Variants in NDUFS4 observed in about 807,000 individuals in gnomAD.
NDUFS4 encodes the protein NADH dehydrogenase [ubiquinone] iron-sulfur protein 4, mitochondrial.
In NDUFS4, 28 loss-of-function variants were observed where a neutral mutation model predicts 24.3. That is an observed-to-expected ratio of 1.15 (90% CI 0.85 to 1.58). The LOEUF (loss-of-function observed/expected upper bound fraction) is 1.58, where lower values mean the gene tolerates loss of function less well. Among genes scored for constraint, NDUFS4 ranks in the 40% most tolerant of loss-of-function variants. NDUFS4 has a pLI of 0.00. For missense variants in NDUFS4, 223 were observed against 207.9 expected, an observed-to-expected ratio of 1.07 and a Z score of -0.45; for synonymous variants, 93 against 69.7, an observed-to-expected ratio of 1.34 and a Z score of -1.67.
chr5:53,571,515 T>C (rs191583739), intron 1 of NDUFS4, among the ~76,000 whole-genome samples: 4 of 152,350 alleles, frequency 2.6e-5, no homozygotes, highest in African/African-American at 9.6e-5. Flanking sequence ...TATGTCAACA[T>C]ATGTTTTTAT....
chr5:53,565,055 A>G (rs1222688353), intron 1 of NDUFS4, among the ~76,000 whole-genome samples: 2 of 152,190 alleles, frequency 1.3e-5, no homozygotes, highest in Non-Finnish European at 2.9e-5. Context: ...TTATCCAGTG[A>G]AATGTTAGTG....
chr5:53,678,296 T>G (rs1316030613), intron 4 of NDUFS4, among the ~76,000 whole-genome samples: 1 of 152,184 alleles, frequency 6.6e-6, no homozygotes, highest in Non-Finnish European at 1.5e-5. Flanking sequence ...GGCTTAAAGT[T>G]CAGACTATTT....
At chr5:53,678,560 A>T (rs1740551422) in intron 4 of NDUFS4, among the ~76,000 whole-genome samples, 1 of 152,170 alleles carries the variant, frequency 6.6e-6, no homozygotes, top group Admixed American at 6.6e-5. Context: ...TGGGACCATT[A>T]TGATTGTAGA....
chr5:53,610,912 A>G (rs777299053), intron 2 of NDUFS4, among the ~76,000 whole-genome samples: 1 of 152,114 alleles, frequency 6.6e-6, no homozygotes, highest in Non-Finnish European at 1.5e-5. Flanking sequence ...TAGTAAGGCA[A>G]CTTTAAATTT....
At chr5:53,643,819 A>C (rs1318089804) in intron 2 of NDUFS4, among the ~76,000 whole-genome samples, 1 of 152,116 alleles carries the variant, frequency 6.6e-6, no homozygotes, top group East Asian at 1.9e-4. Flanking sequence ...AGTACCTTAC[A>C]TGTCTTCTGC....
intron 2 of NDUFS4, among the ~76,000 whole-genome samples, chr5:53,644,099 AT>A (rs903996708): frequency 2.6e-5 from 4 of 152,128 alleles, no homozygotes; most frequent in African/African-American, 9.7e-5. Flanking sequence ...TACTATTTCA[AT>A]TTTTTTCAAA....
chr5:53,672,605 G>GT (rs11333312), intron 4 of NDUFS4, among the ~76,000 whole-genome samples: 7 of 151,034 alleles, frequency 4.6e-5, no homozygotes, highest in African/African-American at 7.3e-5. Context: ...TGAAACAAAG[G>GT]TTTTTTTTTT....
chr5:53,597,166 A>G (rs1378403831), intron 1 of NDUFS4, among the ~76,000 whole-genome samples: 4 of 152,036 alleles, frequency 2.6e-5, no homozygotes, highest in Admixed American at 6.6e-5. Flanking sequence ...TTGGCTGTCA[A>G]TTCCTCTTCA....
At chr5:53,661,601 A>G (rs1299991750) in intron 4 of NDUFS4, among the ~76,000 whole-genome samples, 2 of 152,112 alleles carry the variant, frequency 1.3e-5, no homozygotes, top group Non-Finnish European at 2.9e-5. Flanking sequence ...CAGTATGGCC[A>G]TTTTCACGAT....
At chr5:53,648,758 C>T (rs1751934602) in intron 3 of NDUFS4, among the ~76,000 whole-genome samples, 1 of 152,048 alleles carries the variant, frequency 6.6e-6, no homozygotes. Context: ...CCTTTGCAAC[C>T]AAGAAAAAAT....
chr5:53,631,095 G>A (rs1388261114), intron 2 of NDUFS4, among the ~76,000 whole-genome samples: 2 of 152,114 alleles, frequency 1.3e-5, no homozygotes, highest in African/African-American at 4.8e-5. Flanking sequence ...TGATGTTGAT[G>A]GTATTCCTTT....
intron 1 of NDUFS4, among the ~76,000 whole-genome samples, chr5:53,592,653 A>G (rs1579847440): frequency 1.3e-5 from 2 of 152,180 alleles, no homozygotes; most frequent in African/African-American, 4.8e-5. Context: ...AGAGACTGTC[A>G]TTATTGGATT....
chr5:53,618,952 A>G (rs1266990576), intron 2 of NDUFS4, among the ~76,000 whole-genome samples: 1 of 151,518 alleles, frequency 6.6e-6, no homozygotes, highest in African/African-American at 2.4e-5. Context: ...CGTCCCTACT[A>G]AAATACAAAA....
At chr5:53,678,571 C>T (rs1740551686) in intron 4 of NDUFS4, among the ~76,000 whole-genome samples, 1 of 152,112 alleles carries the variant, frequency 6.6e-6, no homozygotes, top group African/African-American at 2.4e-5. Context: ...TGATTGTAGA[C>T]TATACCTTCA....
intron 2 of NDUFS4, among the ~76,000 whole-genome samples, chr5:53,609,350 G>T (rs1317577094): frequency 6.6e-6 from 1 of 152,166 alleles, no homozygotes; most frequent in Non-Finnish European, 1.5e-5. Flanking sequence ...TCCATCTTGG[G>T]TGACCAGGTG....
intron 4 of NDUFS4, among the ~76,000 whole-genome samples, chr5:53,675,352 C>T (rs956884886): frequency 1.3e-5 from 2 of 151,722 alleles, no homozygotes; most frequent in Admixed American, 1.3e-4. Flanking sequence ...TTAGTAGAGA[C>T]GGGGTTTCAC....
At chr5:53,620,927 T>C (rs1204972028) in intron 2 of NDUFS4, among the ~76,000 whole-genome samples, 1 of 152,184 alleles carries the variant, frequency 6.6e-6, no homozygotes, top group Non-Finnish European at 1.5e-5. Flanking sequence ...AGTTTTTGGG[T>C]TGGGTGTTCC....
chr5:53,621,484 C>A (rs981951812), intron 2 of NDUFS4, among the ~76,000 whole-genome samples: 2 of 151,692 alleles, frequency 1.3e-5, no homozygotes, highest in Admixed American at 1.3e-4. Flanking sequence ...TATCTGATTT[C>A]TTTTTTCTTT....
intron 2 of NDUFS4, among the ~76,000 whole-genome samples, chr5:53,618,708 T>A (rs1191059152): frequency 2.6e-5 from 4 of 152,140 alleles, no homozygotes; most frequent in African/African-American, 9.7e-5. Context: ...AGTGAGAAAT[T>A]TCTTTATTCT....
Sources: gnomAD v4.1 joint callset for allele counts (sites outside exome capture counted in the v4.1 genomes callset) on GRCh38, gnomAD v4.1.1 for gene constraint, MANE v1.5 for transcripts, NCBI Gene and HGNC (gene_info 2026-07-23, HGNC 2026-07-21) for gene names.